LPAR1: variants seen among roughly 807,000 people sequenced by gnomAD.
The protein encoded by LPAR1 is lysophosphatidic acid receptor 1.
A neutral mutation model predicts 23.8 loss-of-function variants in LPAR1; 5 were observed. That is an observed-to-expected ratio of 0.21 (90% CI 0.11 to 0.44). The LOEUF is 0.44. Ranked by LOEUF, LPAR1 falls within the 20% of genes least tolerant of loss-of-function variation. The probability of loss-of-function intolerance (pLI) is 0.99; values close to 1 mark genes in which losing one functional copy is unlikely to be tolerated. For synonymous variants in LPAR1, 160 were observed against 164.7 expected, an observed-to-expected ratio of 0.97 and a Z score of 0.22; for missense variants, 311 against 482.8, an observed-to-expected ratio of 0.64 and a Z score of 3.33.
intron 2 of LPAR1, 141 bp downstream of exon 2, chr9:111,035,981 G>A (rs2097885830): frequency 6.6e-6 from 1 of 152,172 alleles, no homozygotes; most frequent in African/African-American, 2.4e-5. Context: ...CGTTCCAGTA[G>A]GTCACTAATG....
At chr9:111,025,375 C>T (rs936875163) in intron 2 of LPAR1, among the ~76,000 whole-genome samples, 8 of 152,100 alleles carry the variant, frequency 5.3e-5, no homozygotes, top group African/African-American at 1.9e-4. Context: ...TCATATCCTT[C>T]GCCCACGTTT....
intron 4 of LPAR1, among the ~76,000 whole-genome samples, chr9:110,955,116 AC>A (rs1235107324): frequency 3.3e-5 from 5 of 152,232 alleles, no homozygotes; most frequent in African/African-American, 1.2e-4. Context: ...AACAGATTAA[AC>A]TTTCCACTTA....
At chr9:110,922,334 T>C (rs1242159872) in intron 5 of LPAR1, among the ~76,000 whole-genome samples, 2 of 152,178 alleles carry the variant, frequency 1.3e-5, no homozygotes, top group Non-Finnish European at 2.9e-5. Context: ...TGGCATTACA[T>C]TCCTTTCAAT....
intron 5 of LPAR1, among the ~76,000 whole-genome samples, chr9:110,926,791 C>T (rs142924400): frequency 1.3e-5 from 2 of 152,144 alleles, no homozygotes; most frequent in African/African-American, 2.4e-5. Flanking sequence ...GGGGCAATCA[C>T]GGATACTCAC....
intron 2 of LPAR1, among the ~76,000 whole-genome samples, chr9:111,022,914 A>G (rs1056793455): frequency 2.4e-4 from 36 of 151,992 alleles, no homozygotes; most frequent in Non-Finnish European, 2.6e-4. Context: ...TTAGCCGGGC[A>G]TGGTGGCGGG....
intron 4 of LPAR1, among the ~76,000 whole-genome samples, chr9:110,969,907 G>A (rs1323266960): frequency 2.0e-5 from 3 of 152,066 alleles, no homozygotes; most frequent in African/African-American, 7.2e-5. Flanking sequence ...GTTTTCTAAT[G>A]TAGATTCCAA....
At chr9:110,926,728 T>C (rs553680944) in intron 5 of LPAR1, among the ~76,000 whole-genome samples, 18 of 152,170 alleles carry the variant, frequency 1.2e-4, no homozygotes, top group South Asian at 6.3e-4. Flanking sequence ...TTTCCTTTCC[T>C]TTTCCCTTCT....
rs188296385 is a variant in LPAR1, at chr9:111,029,963, G to C, written c.-182+6159C>G. Among the ~76,000 whole-genome samples the C allele has an allele frequency of 1.6e-3, 231 of 143,872 alleles. 3 individuals carry two copies. The highest frequency in any genetic ancestry group is 5.9e-3 in the African/African-American group (228 of 38,774). 94.4% of individuals were successfully genotyped at this position (143,872 alleles called of 152,430 possible). On this transcript the variant is annotated intron_variant, in intron 2 of 5. Coordinates refer to ENST00000683809, the MANE Select transcript of LPAR1 (RefSeq NM_001351411.2). ...CCAGCTACTTGGAAGGCTGAGGCAA[G>C]AGAATTGCTTGAACCCAGGAGGCAG...
At chr9:110,994,383 G>A (rs1022701581) in intron 2 of LPAR1, among the ~76,000 whole-genome samples, 1 of 152,112 alleles carries the variant, frequency 6.6e-6, no homozygotes, top group African/African-American at 2.4e-5. Context: ...TCACTATCAA[G>A]GATATTGTTG....
chr9:110,911,793 G>A (rs56754226), intron 5 of LPAR1, among the ~76,000 whole-genome samples: 3,583 of 152,210 alleles, frequency 0.024, 146 homozygotes, highest in African/African-American at 0.078. Flanking sequence ...AAAAATTTGT[G>A]TGACTCACTT....
At chr9:111,020,773 A>G (rs2097546498) in intron 2 of LPAR1, among the ~76,000 whole-genome samples, 1 of 152,176 alleles carries the variant, frequency 6.6e-6, no homozygotes. Flanking sequence ...TCAGATCAGG[A>G]GCCTGGAGTC....
intron 4 of LPAR1, among the ~76,000 whole-genome samples, chr9:110,960,652 G>T (rs2095934974): frequency 6.6e-6 from 1 of 152,032 alleles, no homozygotes; most frequent in Non-Finnish European, 1.5e-5. Context: ...TTTAAAAAAG[G>T]AAAGAAAGAA....
At chr9:111,023,379 A>G (rs1005418963) in intron 2 of LPAR1, among the ~76,000 whole-genome samples, 1 of 152,156 alleles carries the variant, frequency 6.6e-6, no homozygotes, top group African/African-American at 2.4e-5. Context: ...ACACATTCTC[A>G]TCTGCAGACC....
At chr9:111,021,414 T>A (rs557189172) in intron 2 of LPAR1, among the ~76,000 whole-genome samples, 3 of 152,330 alleles carry the variant, frequency 2.0e-5, no homozygotes, top group African/African-American at 7.2e-5. Flanking sequence ...AAACTTGGTG[T>A]AGTCATTAAA....
chr9:111,009,995 G>T (rs2097297059), intron 2 of LPAR1, among the ~76,000 whole-genome samples: 1 of 85,584 alleles, frequency 1.2e-5, no homozygotes. Flanking sequence ...TCATAATTAG[G>T]AAAATATATA....
chr9:110,916,977 A>G (rs2805385), intron 5 of LPAR1, among the ~76,000 whole-genome samples: 52,856 of 150,810 alleles, frequency 0.35, 10,081 homozygotes, highest in Non-Finnish European at 0.42. Context: ...TCAATATTGT[A>G]ATAACTTTGT....
At position 110,989,222 on chromosome 9, in the gene LPAR1, TA is replaced by T. The variant is rs553803964; in HGVS notation, c.-181-15665del. On this transcript the variant is annotated intron_variant, in intron 2 of 5. Transcript: ENST00000683809. ...ATTGGAGTGATGATTGCACATTATC[TA>T]TCTATCTATCTGGAGACAAGGACTG... Among the ~76,000 whole-genome samples, 600 of 152,282 alleles carry T rather than the reference TA, an allele frequency of 3.9e-3. 5 individuals are homozygous for T. Among genetic ancestry groups the T allele is most frequent in the Admixed American group, 6.3e-3 (96 of 15,276 alleles).
intron 4 of LPAR1, among the ~76,000 whole-genome samples, chr9:110,948,913 G>GAAA (rs769429145): frequency 9.8e-6 from 1 of 102,056 alleles, no homozygotes; most frequent in Non-Finnish European, 2.2e-5. Flanking sequence ...TGTAGATCAA[G>GAAA]AAAAAAAAAA....
intron 2 of LPAR1, among the ~76,000 whole-genome samples, chr9:111,009,499 T>G (rs1046840292): frequency 6.6e-6 from 1 of 152,186 alleles, no homozygotes; most frequent in Non-Finnish European, 1.5e-5. Flanking sequence ...TTTTATTTTT[T>G]GAAAAGTGTG....
Sources: gnomAD v4.1 joint callset for allele counts (sites outside exome capture counted in the v4.1 genomes callset) on GRCh38, gnomAD v4.1.1 for gene constraint, MANE v1.5 for transcripts, NCBI Gene and HGNC (gene_info 2026-07-23, HGNC 2026-07-21) for gene names.